Variants in NDUFS1 observed in about 807,000 individuals in gnomAD.
NDUFS1 encodes the protein NADH-ubiquinone oxidoreductase 75 kDa subunit, mitochondrial.
In NDUFS1, 61 loss-of-function variants were observed where a neutral mutation model predicts 84.4. The observed-to-expected ratio is 0.72, with a 90% confidence interval of 0.59 to 0.89. The LOEUF (loss-of-function observed/expected upper bound fraction) is 0.89, where lower values mean the gene tolerates loss of function less well. Among genes scored for constraint, NDUFS1 ranks in the 40% least tolerant of loss-of-function variants. NDUFS1 has a pLI of 0.00. For missense variants in NDUFS1, 891 were observed against 890.0 expected, an observed-to-expected ratio of 1.00 and a Z score of -0.01; for synonymous variants, 275 against 290.0, an observed-to-expected ratio of 0.95 and a Z score of 0.53.
chr2:206,131,717 C>T lies in NDUFS1; in HGVS notation c.1553+1228G>A, dbSNP rs183622019. 6.6e-5 allele frequency among the ~76,000 whole-genome samples: 10 copies of T among 152,112 alleles called. No homozygotes were observed. The East Asian group carries it at 1.7e-3, about 27-fold the overall frequency. On this transcript the variant is annotated intron_variant, in intron 14 of 18. Transcript: ENST00000233190. ...CTTTGGAAGGCTGAGGTGGGCAGATCGCCTGAGGTCAGGAGATCGAGACCA... is the reference window on the plus strand; with the variant it reads ...CTTTGGAAGGCTGAGGTGGGCAGATTGCCTGAGGTCAGGAGATCGAGACCA...
chr2:206,128,059 T>A (rs1180834838), intron 15 of NDUFS1, 87 bp from the exon 16 acceptor site: 1 of 1,426,132 alleles, frequency 7.0e-7, no homozygotes, highest in Non-Finnish European at 9.7e-7. Flanking sequence ...TCATTTTAAA[T>A]CCCATTTTGT....
chr2:206,137,263 C>T lies in NDUFS1; in HGVS notation c.1392+1222G>A, dbSNP rs574335059. On this transcript the variant is annotated intron_variant, in intron 13 of 18. Transcript: ENST00000233190. ...GGCCAAGGCGAGTGGACCACAAAGT[C>T]AGGAGTTGGAGACCAGCCTGGCCAA... 5.9e-5 allele frequency among the ~76,000 whole-genome samples: 9 copies of T among 152,102 alleles called. No individual in the cohort carries two copies. In the South Asian group the frequency reaches 8.3e-4, roughly 14 times the overall value.
In NDUFS1 at chr2:206,144,140, A is replaced by C. The variant is rs1692072181; in HGVS notation, c.873-8T>G. 1 of 1,575,298 alleles carries C rather than the reference A, an allele frequency of 6.3e-7. No individual in the cohort carries two copies. Among genetic ancestry groups the C allele is most frequent in the South Asian group, 1.1e-5 (1 of 90,236 alleles). On this transcript the variant is annotated splice_region_variant and splice_polypyrimidine_tract_variant and intron_variant, in intron 9 of 18. Transcript: ENST00000233190. ...AGCCCATCATAGGCAAATCTAGAAA[A>C]CAGAAATTACACCATTGTGGAATCT... is the stretch of plus-strand genomic sequence containing the variant.
intron 3 of NDUFS1, 129 bp from the exon 4 acceptor site, chr2:206,150,054 T>TA (rs79839685): frequency 2.8e-6 from 2 of 724,392 alleles, no homozygotes; most frequent in Non-Finnish European, 4.7e-6. Context: ...TCTATCTATC[T>TA]TAATTCATTC....
At chr2:206,126,147 C>A (rs566152624) in intron 18 of NDUFS1, among the ~76,000 whole-genome samples, 2 of 152,252 alleles carry the variant, frequency 1.3e-5, no homozygotes, top group African/African-American at 4.8e-5. Flanking sequence ...TAAAAACATT[C>A]CTAACAATTT....
At chr2:206,140,086 A>G (rs1414314140) in intron 12 of NDUFS1, among the ~76,000 whole-genome samples, 22 of 152,144 alleles carry the variant, frequency 1.4e-4, no homozygotes, top group Admixed American at 1.4e-3. Context: ...GCTTATGTCT[A>G]TTACTCCCAG....
At chr2:206,140,875 C>A (rs1033943841) in intron 12 of NDUFS1, among the ~76,000 whole-genome samples, 3 of 149,244 alleles carry the variant, frequency 2.0e-5, no homozygotes, top group South Asian at 2.1e-4. Flanking sequence ...CAGAAACTTC[C>A]AAATGATTCA....
At position 206,142,819 on chromosome 2, in the gene NDUFS1, G is replaced by C. The variant is rs764977566; in HGVS notation, c.1000C>G (p.Gln334Glu). The change falls in exon 11 of 19, where the codon CAA becomes GAA. Residue 334 changes from glutamine to glutamate, a missense_variant. Coordinates refer to ENST00000233190, the MANE Select transcript of NDUFS1 (RefSeq NM_005006.7). ...SRVAGMLQSFQGKDVAAIAGG... is the reference protein window; with the variant it reads ...SRVAGMLQSFEGKDVAAIAGG... ...GCAATTGCTGCCACATCTTTGCCTT[G>C]AAAACTCTGCAACTAGAAACAGATG... 16 of 1,614,078 alleles carry C rather than the reference G, an allele frequency of 9.9e-6. No homozygotes were observed. Among genetic ancestry groups the C allele is most frequent in the Middle Eastern group, 3.3e-4 (2 of 6,062 alleles).
Position 206,144,037 on chromosome 2 carries a change from A to C in NDUFS1, c.968T>G (p.Leu323Arg), listed in dbSNP as rs144422591. The C allele has an allele frequency of 2.4e-5, 38 of 1,611,840 alleles. No individual in the cohort carries two copies. The highest frequency in any genetic ancestry group is 3.0e-5 in the Non-Finnish European group (35 of 1,178,042). The change falls in exon 10 of 19, where the codon CTC becomes CGC. Residue 323 changes from leucine (L) to arginine (R), a missense_variant. Coordinates refer to ENST00000233190, the MANE Select transcript of NDUFS1 (RefSeq NM_005006.7). ...LLTYTSWEDALSRVAGMLQSF... is the reference protein window; with the variant it reads ...LLTYTSWEDARSRVAGMLQSF... ...TTTTACCATTCCAGCTACGCGAGAGAGCGCATCCTCCCAAGAAGTATAGGT... is the reference window on the plus strand; with the variant it reads ...TTTTACCATTCCAGCTACGCGAGAGCGCGCATCCTCCCAAGAAGTATAGGT...
intron 3 of NDUFS1, among the ~76,000 whole-genome samples, chr2:206,150,894 A>G (rs1294240018): frequency 1.3e-5 from 2 of 152,080 alleles, no homozygotes; most frequent in African/African-American, 4.8e-5. Context: ...GGCTCTACTG[A>G]AACTTCTTTT....
In NDUFS1 at chr2:206,149,916, T is replaced by G; in HGVS notation, c.163A>C (p.Lys55Gln). 1 of 1,151,252 alleles carries G rather than the reference T, an allele frequency of 8.7e-7. No homozygotes were observed. The highest frequency in any genetic ancestry group is 1.8e-5 in the African/African-American group (1 of 54,848). 71.3% of individuals were successfully genotyped at this position (1,151,252 alleles called of 1,614,324 possible). A position where few individuals can be genotyped will look rare whatever the true frequency, so the allele number is the denominator to read the frequency against. Reference protein sequence around the residue: ...PGTTVLQACEKVGMQIPRFCY... With the variant: ...PGTTVLQACEQVGMQIPRFCY... ...AATCGAGGGATCTGCATGCCAACCT[T>G]CTCACAAGCCTAGAAGTAAAAAAAA... The change falls in exon 4 of 19, where the codon AAG becomes CAG. Residue 55 changes from lysine to glutamine, a missense_variant. Lys to Gln is a moderately conservative substitution (Grantham distance 53). Coordinates refer to ENST00000233190, the MANE Select transcript of NDUFS1 (RefSeq NM_005006.7).
intron 11 of NDUFS1, 123 bp from the exon 12 acceptor site, chr2:206,142,192 C>T: frequency 1.2e-6 from 1 of 821,450 alleles, no homozygotes; most frequent in Non-Finnish European, 2.0e-6. Flanking sequence ...TGAAGTATTT[C>T]TAAATTAAAT....
intron 16 of NDUFS1, chr2:206,127,523 TAAATA>T (rs1374029550): frequency 3.0e-6 from 1 of 334,090 alleles, no homozygotes; most frequent in Non-Finnish European, 5.6e-6. Context: ...GTCTCAAAAA[TAAATA>T]AAATAAAATA....
At chr2:206,152,597 C>T in intron 2 of NDUFS1, 87 bp from the exon 3 acceptor site, 1 of 1,185,684 alleles carries the variant, frequency 8.4e-7, no homozygotes, top group Non-Finnish European at 1.3e-6. Context: ...AACTACAAAC[C>T]TAAAATTTTT....
rs1691982208 is a variant in NDUFS1, at chr2:206,142,036, A to G, written c.1167T>C (p.Thr389=). 6.2e-7 allele frequency: 1 copy of G among 1,605,812 alleles called. No individual in the cohort carries two copies. The highest frequency in any genetic ancestry group is 8.5e-7 in the Non-Finnish European group (1 of 1,172,424). The change falls in exon 12 of 19, where the codon ACT becomes ACC. Residue 389 remains threonine, a synonymous_variant. Transcript: ENST00000233190. ...CTGCCTCTTCCACACCAGCAATTGT[A>G]GTATTAAGAAGATAATTGGAACGCA... ...TDLRSNYLLN[T]TIAGVEEADV...
intron 12 of NDUFS1, 60 bp downstream of exon 12, chr2:206,141,881 C>T: frequency 6.9e-7 from 1 of 1,459,528 alleles, no homozygotes; most frequent in Non-Finnish European, 9.5e-7. Context: ...CCATTTTTCA[C>T]ATATAAAACA....
Position 206,142,002 on chromosome 2 carries a change from G to A in NDUFS1, c.1201C>T (p.Leu401Phe), listed in dbSNP as rs367922877. 5 of 1,608,994 alleles carry A rather than the reference G, an allele frequency of 3.1e-6. No homozygotes were observed. The highest frequency in any genetic ancestry group is 1.7e-5 in the Admixed American group (1 of 59,986). Residue 401 changes from leucine to phenylalanine, a missense_variant, in exon 12 of 19, where the codon CTT (leucine) becomes TTT (phenylalanine). Transcript: ENST00000233190. ...IAGVEEADVV[L>F]LVGTNPRFEA... is the part of the protein sequence containing the mutation. ...AAACGTGGGTTTGTACCAACCAGAAGAACAACATCTGCCTCTTCCACACCA... is the reference window on the plus strand; with the variant it reads ...AAACGTGGGTTTGTACCAACCAGAAAAACAACATCTGCCTCTTCCACACCA...
chr2:206,147,156 C>T, intron 7 of NDUFS1, 68 bp from the exon 8 acceptor site: 5 of 1,459,762 alleles, frequency 3.4e-6, no homozygotes, highest in Non-Finnish European at 3.8e-6. Context: ...TATTCATGAT[C>T]ACAAAGAGAT....
chr2:206,124,640 C>T (rs927905335), intron 18 of NDUFS1, among the ~76,000 whole-genome samples: 1 of 151,944 alleles, frequency 6.6e-6, no homozygotes, highest in Non-Finnish European at 1.5e-5. Flanking sequence ...GAGATTGAGA[C>T]CATCCTGGCT....
Sources: allele counts gnomAD v4.1 joint callset (sites outside exome capture counted in the v4.1 genomes callset), GRCh38; gene constraint gnomAD v4.1.1; transcripts MANE v1.5; gene names NCBI Gene and HGNC (gene_info 2026-07-23, HGNC 2026-07-21).